Variants in ANKRD44 observed in about 807,000 individuals in gnomAD.
The protein encoded by ANKRD44 is serine/threonine-protein phosphatase 6 regulatory ankyrin repeat subunit B.
In ANKRD44, 35 loss-of-function variants were observed where a neutral mutation model predicts 116.0. The observed-to-expected ratio is 0.30, with a 90% CI of 0.23 to 0.40. ANKRD44 has a LOEUF of 0.40. ANKRD44 is among the 10% of genes least tolerant of loss of function. The probability of loss-of-function intolerance (pLI) is 1.00; values close to 1 mark genes in which losing one functional copy is unlikely to be tolerated. For missense variants in ANKRD44, 1,014 were observed against 1,242.6 expected (o/e 0.82, Z 2.77); for synonymous variants, 435 against 461.8 (o/e 0.94, Z 0.74).
At chr2:197,170,199 A>AC (rs2080197480) in intron 2 of ANKRD44, among the ~76,000 whole-genome samples, 1 of 135,510 alleles carries the variant, frequency 7.4e-6, no homozygotes, top group Non-Finnish European at 1.5e-5. Flanking sequence ...CCAAAAAAAA[A>AC]AAAAAAAAAA....
intron 1 of ANKRD44, among the ~76,000 whole-genome samples, chr2:197,246,101 G>A (rs1310905762): frequency 1.3e-5 from 2 of 152,202 alleles, no homozygotes; most frequent in African/African-American, 4.8e-5. Flanking sequence ...ATGTAAGGAA[G>A]ACATGGGGTG....
At chr2:196,999,164 T>G in intron 23 of ANKRD44, 112 bp from the exon 24 acceptor site, 1 of 1,296,124 alleles carries the variant, frequency 7.7e-7, no homozygotes, top group Non-Finnish European at 1.1e-6. Flanking sequence ...ACTTCTCAGT[T>G]TATAGACATA....
downstream of ANKRD44, among the ~76,000 whole-genome samples, chr2:196,982,691 C>T (rs1419595295): frequency 6.6e-6 from 1 of 152,180 alleles, no homozygotes; most frequent in Non-Finnish European, 1.5e-5. Flanking sequence ...ATCCAAGCCA[C>T]TATATTTACT....
At chr2:197,194,986 G>C (rs184298283) in intron 1 of ANKRD44, among the ~76,000 whole-genome samples, 5 of 152,212 alleles carry the variant, frequency 3.3e-5, no homozygotes, top group African/African-American at 1.2e-4. Context: ...ATAACTGGGT[G>C]GGGGGAGCAT....
intron 4 of ANKRD44, among the ~76,000 whole-genome samples, chr2:197,128,794 C>G (rs974638270): frequency 2.6e-5 from 4 of 152,102 alleles, no homozygotes; most frequent in Admixed American, 2.6e-4. Flanking sequence ...GTCTTTAATC[C>G]ATCAAGAAAA....
At chr2:197,174,388 A>G (rs1418293975) in intron 2 of ANKRD44, among the ~76,000 whole-genome samples, 3 of 152,234 alleles carry the variant, frequency 2.0e-5, no homozygotes, top group Non-Finnish European at 4.4e-5. Flanking sequence ...TATGAAATAT[A>G]TGAAGTAAAT....
At chr2:197,261,929 C>A (rs2082615782) in intron 1 of ANKRD44, among the ~76,000 whole-genome samples, 1 of 152,196 alleles carries the variant, frequency 6.6e-6, no homozygotes, top group South Asian at 2.1e-4. Context: ...ACCTCGAAAT[C>A]ATCTCTTCTG....
At chr2:197,301,714 T>C (rs931126706) in intron 1 of ANKRD44, among the ~76,000 whole-genome samples, 2 of 152,262 alleles carry the variant, frequency 1.3e-5, no homozygotes, top group Non-Finnish European at 2.9e-5. Context: ...TACATATTTA[T>C]ATTCAATCAC....
Position 197,272,647 on chromosome 2 carries a change from G to C in ANKRD44, c.27+37931C>G, listed in dbSNP as rs558290698. ...AAGTTTGTTTTGTTTTGTTTGGAGA[G>C]TGGAGCCCTTAAAGTGGAATTGCTG... On this transcript the variant is annotated intron_variant, in intron 1 of 27. Transcript: ENST00000282272. Among the ~76,000 whole-genome samples, 323 of 152,298 alleles carry C rather than the reference G, an allele frequency of 2.1e-3. 2 individuals are homozygous for C. The highest frequency in any genetic ancestry group is 4.1e-3 in the Non-Finnish European group (278 of 68,020).
chr2:197,271,838 G>C (rs1467646216), intron 1 of ANKRD44, among the ~76,000 whole-genome samples: 1 of 152,204 alleles, frequency 6.6e-6, no homozygotes, highest in Non-Finnish European at 1.5e-5. Flanking sequence ...CTGGGCTCAA[G>C]CGATCTGCCT....
intron 16 of ANKRD44, among the ~76,000 whole-genome samples, chr2:197,050,969 C>CTTTT (rs11428405): frequency 1.5e-5 from 2 of 134,890 alleles, no homozygotes; most frequent in Admixed American, 7.5e-5. Context: ...GTCTCCCTTA[C>CTTTT]TTTTTTTTTT....
chr2:196,986,927 A>G lies in ANKRD44; in HGVS notation c.*2664T>C, dbSNP rs998609958. On this transcript the variant is annotated 3_prime_UTR_variant, in exon 28 of 28. Coordinates refer to ENST00000282272, the MANE Select transcript of ANKRD44 (RefSeq NM_001195144.2). ...ACATTATAGACAAAATCCCACTGAA[A>G]TCATCAAACAATATTTTATGCTGTT... The G allele has an allele frequency of 5.1e-6, 5 of 985,324 alleles. No individual in the cohort carries two copies. The highest frequency in any genetic ancestry group is 1.7e-5 in the African/African-American group (1 of 57,260). The allele number at this position is 985,324 out of a possible 1,614,324, so 61.0% of individuals were successfully genotyped here.
intron 16 of ANKRD44, among the ~76,000 whole-genome samples, chr2:197,066,910 CT>C (rs1223800452): frequency 6.6e-6 from 1 of 152,214 alleles, no homozygotes; most frequent in African/African-American, 2.4e-5. Flanking sequence ...CAATGACTTT[CT>C]TCACAGAATT....
intron 2 of ANKRD44, among the ~76,000 whole-genome samples, chr2:197,178,862 T>A (rs2080433753): frequency 6.6e-6 from 1 of 152,210 alleles, no homozygotes; most frequent in South Asian, 2.1e-4. Context: ...TATCTAGCAG[T>A]TGTCTCAATG....
At position 197,238,767 on chromosome 2, in the gene ANKRD44, C is replaced by T. The variant is rs540384863; in HGVS notation, c.28-51661G>A. 5.9e-5 allele frequency among the ~76,000 whole-genome samples: 9 copies of T among 151,764 alleles called. 1 individual carries two copies. In the South Asian group the frequency reaches 1.9e-3, roughly 32 times the overall value. On this transcript the variant is annotated intron_variant, in intron 1 of 27. Coordinates refer to ENST00000282272, the MANE Select transcript of ANKRD44 (RefSeq NM_001195144.2). Reference sequence around the variant, plus strand: ...TCACCCAGGCTGAAGTGCAGTGGTACGATCTCAGCTCACTGCAACCTCAGC... The same window carrying T: ...TCACCCAGGCTGAAGTGCAGTGGTATGATCTCAGCTCACTGCAACCTCAGC...
chr2:197,156,147 T>C (rs554534298), intron 2 of ANKRD44, among the ~76,000 whole-genome samples: 40 of 152,178 alleles, frequency 2.6e-4, no homozygotes, highest in East Asian at 1.4e-3. Context: ...GAGATCAAGA[T>C]CATCCTGGCT....
intron 4 of ANKRD44, chr2:197,135,108 C>T (rs1366308379): frequency 6.6e-6 from 1 of 152,114 alleles, no homozygotes. Context: ...TCACAAAGCG[C>T]AGCAAGAAAA....
chr2:197,042,930 C>T (rs368525702), intron 16 of ANKRD44, among the ~76,000 whole-genome samples: 30 of 152,314 alleles, frequency 2.0e-4, no homozygotes, highest in East Asian at 1.2e-3. Context: ...CAAATGCAGC[C>T]GTTTCACTCC....
chr2:197,165,669 C>T (rs1418040391), intron 2 of ANKRD44, among the ~76,000 whole-genome samples: 2 of 152,086 alleles, frequency 1.3e-5, no homozygotes, highest in Non-Finnish European at 2.9e-5. Flanking sequence ...GGAGCAAACA[C>T]CATAAAATAC....
Sources: allele counts gnomAD v4.1 joint callset (sites outside exome capture counted in the v4.1 genomes callset), GRCh38; gene constraint gnomAD v4.1.1; transcripts MANE v1.5; gene names NCBI Gene and HGNC (gene_info 2026-07-23, HGNC 2026-07-21).